The following TRAF3 variants were observed in gnomAD, a reference collection of about 807,000 sequenced individuals.
The protein encoded by TRAF3 is TNF receptor-associated factor 3.
TRAF3 carries 13 observed loss-of-function variants against 62.3 expected under a neutral mutation model. The observed-to-expected ratio is 0.21, with a 90% CI of 0.14 to 0.33. The LOEUF is 0.33. TRAF3 is among the 10% of genes least tolerant of loss of function. TRAF3 has a pLI of 1.00. For synonymous variants in TRAF3, 269 were observed against 283.4 expected (o/e 0.95, Z 0.51); for missense variants, 440 against 741.8 (o/e 0.59, Z 4.73).
rs563314284 is a variant in TRAF3, at chr14:102,876,806, G to A, written c.570+281G>A. ...AGATAATCCGTTCCACAAGCCTTCCGCTCAATTCGTAGATAATCCATTCCA... is the reference window on the plus strand; with the variant it reads ...AGATAATCCGTTCCACAAGCCTTCCACTCAATTCGTAGATAATCCATTCCA... On this transcript the variant is annotated intron_variant, in intron 6 of 11. Transcript: ENST00000392745. 4.3e-4 allele frequency: 182 copies of A among 419,840 alleles called. 3 individuals carry two copies. The highest frequency in any genetic ancestry group is 3.7e-3 in the South Asian group (177 of 47,602). The allele number at this position is 419,840 out of a possible 1,614,324, so 26.0% of individuals were successfully genotyped here.
At chr14:102,786,271 TG>T (rs1197775626) in intron 1 of TRAF3, among the ~76,000 whole-genome samples, 1 of 152,218 alleles carries the variant, frequency 6.6e-6, no homozygotes, top group African/African-American at 2.4e-5. Flanking sequence ...TGGAGATGGA[TG>T]GTGGTGATGG....
chr14:102,871,514 A>G lies in TRAF3; in HGVS notation c.246-403A>G, dbSNP rs111521899. Among the ~76,000 whole-genome samples, 10 of 152,340 alleles carry G rather than the reference A, an allele frequency of 6.6e-5. 3 individuals carry two copies. The highest frequency in any genetic ancestry group is 2.2e-4 in the African/African-American group (9 of 41,582). On this transcript the variant is annotated intron_variant, in intron 3 of 11. Coordinates refer to ENST00000392745, the MANE Select transcript of TRAF3 (RefSeq NM_145725.3). ...CCATTGGCCTTCCAATAGACAGTGA[A>G]GCCAAATGGCCTGTGGAGAAGGGCT...
At chr14:102,834,292 A>G (rs992523734) in intron 2 of TRAF3, among the ~76,000 whole-genome samples, 1 of 152,226 alleles carries the variant, frequency 6.6e-6, no homozygotes, top group Non-Finnish European at 1.5e-5. Context: ...ATAAGGCTGC[A>G]CACCTACAAC....
At chr14:102,863,533 C>T (rs1405548711) in intron 2 of TRAF3, among the ~76,000 whole-genome samples, 3 of 152,216 alleles carry the variant, frequency 2.0e-5, no homozygotes, top group Admixed American at 6.5e-5. Flanking sequence ...CCTGCTTGCA[C>T]AGATCCTGAA....
chr14:102,890,035 G>A (rs558229410), intron 8 of TRAF3, among the ~76,000 whole-genome samples: 2 of 152,320 alleles, frequency 1.3e-5, no homozygotes, highest in Admixed American at 1.3e-4. Flanking sequence ...CAGCCATAAC[G>A]ATCACACACG....
intron 8 of TRAF3, among the ~76,000 whole-genome samples, chr14:102,890,331 G>A (rs944540448): frequency 3.9e-5 from 6 of 152,218 alleles, no homozygotes; most frequent in Admixed American, 2.6e-4. Context: ...TACAATTAAA[G>A]TATTTTATAT....
intron 1 of TRAF3, among the ~76,000 whole-genome samples, chr14:102,779,863 T>TTCC (rs1897200134): frequency 1.3e-5 from 2 of 152,220 alleles, no homozygotes; most frequent in African/African-American, 4.8e-5. Context: ...TATCAAGTAT[T>TTCC]ATGCAATAGC....
At chr14:102,856,852 C>T (rs955164099) in intron 2 of TRAF3, among the ~76,000 whole-genome samples, 1 of 152,150 alleles carries the variant, frequency 6.6e-6, no homozygotes, top group African/African-American at 2.4e-5. Flanking sequence ...CTCTTGTATT[C>T]AGGGTAGAGA....
intron 9 of TRAF3, among the ~76,000 whole-genome samples, chr14:102,892,030 G>C (rs1393172975): frequency 1.3e-5 from 2 of 150,676 alleles, no homozygotes; most frequent in African/African-American, 4.9e-5. Flanking sequence ...TTCCCAAAGA[G>C]ACTCTCCCAT....
chr14:102,870,130 G>A, intron 2 of TRAF3, 55 bp from the exon 3 acceptor site: 2 of 1,612,838 alleles, frequency 1.2e-6, no homozygotes, highest in Non-Finnish European at 1.7e-6. Flanking sequence ...CCAAAGCTGT[G>A]TTTGTTTCCT....
intron 1 of TRAF3, among the ~76,000 whole-genome samples, chr14:102,811,247 G>GC (rs1899112501): frequency 6.6e-6 from 1 of 151,794 alleles, no homozygotes; most frequent in Non-Finnish European, 1.5e-5. Flanking sequence ...CTTCTCATGA[G>GC]CCCCGTTGCT....
In TRAF3 at chr14:102,897,281, A is replaced by G. The variant is rs1053753163; in HGVS notation, c.840A>G (p.Glu280=). Residue 280 remains glutamate, a synonymous_variant, in exon 10 of 12, where the codon GAA becomes GAG. Transcript: ENST00000392745. The stretch of plus-strand genomic sequence containing the variant: ...TTTAGGTTTCCTTGTTGCAGAATGA[A>G]AGTGTAGAAAAAAACAAGAGCATAC... ...LEKKVSLLQN[E]SVEKNKSIQS... The G allele has an allele frequency of 6.8e-6, 11 of 1,613,360 alleles. No individual in the cohort carries two copies. Among genetic ancestry groups the G allele is most frequent in the Admixed American group, 1.7e-5 (1 of 59,974 alleles).
chr14:102,784,365 G>T (rs1038890724), intron 1 of TRAF3, among the ~76,000 whole-genome samples: 3 of 151,988 alleles, frequency 2.0e-5, no homozygotes, highest in Non-Finnish European at 2.9e-5. Context: ...TGGGATTACA[G>T]GCACCCGCCA....
intron 2 of TRAF3, among the ~76,000 whole-genome samples, chr14:102,840,848 A>T (rs1751466453): frequency 6.6e-6 from 1 of 152,202 alleles, no homozygotes; most frequent in Non-Finnish European, 1.5e-5. Flanking sequence ...GCTGGTTAGG[A>T]CCATGTTCCT....
chr14:102,845,196 C>T (rs1886623079), intron 2 of TRAF3, among the ~76,000 whole-genome samples: 1 of 147,504 alleles, frequency 6.8e-6, no homozygotes. Flanking sequence ...ATGCCCGGCC[C>T]TAAAAATTTT....
At chr14:102,778,192 G>A (rs1185979165) in intron 1 of TRAF3, among the ~76,000 whole-genome samples, 1 of 151,378 alleles carries the variant, frequency 6.6e-6, no homozygotes, top group Non-Finnish European at 1.5e-5. Context: ...GGCGGCGCGG[G>A]GGTCCGGGTA....
At chr14:102,821,766 G>A (rs959933458) in intron 1 of TRAF3, among the ~76,000 whole-genome samples, 5 of 152,166 alleles carry the variant, frequency 3.3e-5, no homozygotes, top group South Asian at 2.1e-4. Context: ...TTTTGTGGCC[G>A]GGCACGGTGG....
intron 2 of TRAF3, among the ~76,000 whole-genome samples, chr14:102,867,402 G>A (rs1888064781): frequency 6.6e-6 from 1 of 152,152 alleles, no homozygotes; most frequent in African/African-American, 2.4e-5. Flanking sequence ...CCAATTCCTG[G>A]TTCTCTGATC....
intron 9 of TRAF3, among the ~76,000 whole-genome samples, chr14:102,892,384 T>C (rs546948851): frequency 9.7e-4 from 148 of 152,268 alleles, no homozygotes; most frequent in African/African-American, 3.3e-3. Flanking sequence ...GAGGCCTTCA[T>C]TGCAGGCCTA....
Sources: gnomAD v4.1 joint callset for allele counts (sites outside exome capture counted in the v4.1 genomes callset) on GRCh38, gnomAD v4.1.1 for gene constraint, MANE v1.5 for transcripts, NCBI Gene and HGNC (gene_info 2026-07-23, HGNC 2026-07-21) for gene names.